COL11A1: variants seen among roughly 807,000 people sequenced by gnomAD.
The protein encoded by COL11A1 is collagen type XI alpha 1 chain.
Under a neutral mutation model 265.2 loss-of-function variants are expected in COL11A1, and 74 were observed. The observed-to-expected ratio is 0.28, with a 90% CI of 0.23 to 0.34. The LOEUF (loss-of-function observed/expected upper bound fraction) is 0.34. Ranked by LOEUF, COL11A1 falls within the 10% of genes least tolerant of loss-of-function variation. The pLI is 1.00. For synonymous variants in COL11A1, 816 were observed against 727.6 expected, an observed-to-expected ratio of 1.12 and a Z score of -1.96; for missense variants, 2,165 against 2,263.6, an observed-to-expected ratio of 0.96 and a Z score of 0.88.
intron 46 of COL11A1, among the ~76,000 whole-genome samples, chr1:102,927,915 C>A (rs1284112525): frequency 6.6e-6 from 1 of 152,006 alleles, no homozygotes; most frequent in African/African-American, 2.4e-5. Flanking sequence ...TCTCAAAATG[C>A]TTTCAATTTT....
At chr1:103,056,386 T>C (rs1003991353) in intron 4 of COL11A1, among the ~76,000 whole-genome samples, 3 of 152,194 alleles carry the variant, frequency 2.0e-5, no homozygotes, top group Non-Finnish European at 4.4e-5. Context: ...GGTCTCCTAA[T>C]AGCTTCTGAA....
chr1:103,097,689 G>A (rs1673892278), intron 1 of COL11A1, among the ~76,000 whole-genome samples: 3 of 151,954 alleles, frequency 2.0e-5, no homozygotes, highest in Admixed American at 6.6e-5. Context: ...TGTACTTGTC[G>A]AACGTGGCAA....
intron 47 of COL11A1, among the ~76,000 whole-genome samples, chr1:102,922,772 G>T (rs554646619): frequency 6.6e-6 from 1 of 152,256 alleles, no homozygotes; most frequent in Middle Eastern, 3.4e-3. Context: ...GAATATAATA[G>T]ATTTGAGTGT....
chr1:103,048,359 C>T (rs566049754), intron 4 of COL11A1, among the ~76,000 whole-genome samples: 2 of 152,232 alleles, frequency 1.3e-5, no homozygotes, highest in African/African-American at 4.8e-5. Flanking sequence ...GGAATTTATC[C>T]ATTTCTTCTA....
At chr1:102,899,429 C>T (rs1386451341) in intron 54 of COL11A1, among the ~76,000 whole-genome samples, 1 of 152,040 alleles carries the variant, frequency 6.6e-6, no homozygotes, top group African/African-American at 2.4e-5. Context: ...TATGTTCATG[C>T]ATTCTTACAG....
chr1:102,958,320 T>C (rs1473873096), intron 41 of COL11A1, among the ~76,000 whole-genome samples: 4 of 148,788 alleles, frequency 2.7e-5, no homozygotes, highest in Admixed American at 6.7e-5. Context: ...CTCCTGATTC[T>C]TTTTTTTTTC....
chr1:103,054,630 G>A (rs984465266), intron 4 of COL11A1, among the ~76,000 whole-genome samples: 3 of 152,008 alleles, frequency 2.0e-5, no homozygotes, highest in Admixed American at 6.6e-5. Flanking sequence ...GGTCAGGCAC[G>A]GTGGCTCATG....
intron 4 of COL11A1, among the ~76,000 whole-genome samples, chr1:103,073,710 A>T (rs1183898320): frequency 6.6e-6 from 1 of 151,940 alleles, no homozygotes; most frequent in Non-Finnish European, 1.5e-5. Flanking sequence ...TATATTTATA[A>T]GTACAGGAAT....
intron 46 of COL11A1, among the ~76,000 whole-genome samples, chr1:102,924,968 T>A (rs1656427319): frequency 6.6e-6 from 1 of 151,832 alleles, no homozygotes; most frequent in Non-Finnish European, 1.5e-5. Flanking sequence ...TTTTTCATGT[T>A]TTTAGTGTAT....
In COL11A1 at chr1:102,944,639, C is replaced by T. The variant is rs567818903; in HGVS notation, c.3276+2210G>A. Among the ~76,000 whole-genome samples the T allele has an allele frequency of 9.2e-5, 14 of 152,166 alleles. No individual in the cohort carries two copies. In the East Asian group the frequency reaches 9.7e-4, roughly 11 times the overall value. ...CTGTCTCACCTAATTAATTTCTTAT[C>T]GGTTTCAATGTTTTTTGATATTCTG... On this transcript the variant is annotated intron_variant, in intron 42 of 66. Coordinates refer to ENST00000370096, the MANE Select transcript of COL11A1 (RefSeq NM_001854.4).
intron 42 of COL11A1, among the ~76,000 whole-genome samples, chr1:102,942,586 TA>T (rs761504736): frequency 6.6e-6 from 1 of 152,128 alleles, no homozygotes. Context: ...AATCTTTCCT[TA>T]AAAAATGATA....
At chr1:103,038,636 G>C (rs1204711003) in intron 4 of COL11A1, among the ~76,000 whole-genome samples, 5 of 152,122 alleles carry the variant, frequency 3.3e-5, no homozygotes, top group Non-Finnish European at 5.9e-5. Flanking sequence ...AAACTCAAAA[G>C]ATGTCATTTG....
At chr1:103,027,423 AT>A (rs1667623096) in intron 5 of COL11A1, among the ~76,000 whole-genome samples, 1 of 128,098 alleles carries the variant, frequency 7.8e-6, no homozygotes. Context: ...ATATATATAT[AT>A]ATATATATAT....
Position 102,877,437 on chromosome 1 carries a change from A to G in COL11A1, c.*582T>C, listed in dbSNP as rs905648301. ...CAAATAATTGAACTCTTCAACATCA[A>G]TATATACAAAGGCATTTTATTATTA... On this transcript the variant is annotated 3_prime_UTR_variant, in exon 67 of 67. Transcript: ENST00000370096. 2 of 152,594 alleles carry G rather than the reference A, an allele frequency of 1.3e-5. No homozygotes were observed. The highest frequency in any genetic ancestry group is 2.1e-4 in the South Asian group (1 of 4,832). The allele number at this position is 152,594 out of a possible 1,614,324, so 9.5% of individuals were successfully genotyped here.
chr1:103,075,207 C>A (rs1671884075), intron 3 of COL11A1, among the ~76,000 whole-genome samples: 1 of 152,090 alleles, frequency 6.6e-6, no homozygotes, highest in African/African-American at 2.4e-5. Context: ...CTAGTGATCC[C>A]CTGAGATTGA....
intron 38 of COL11A1, among the ~76,000 whole-genome samples, chr1:102,964,541 T>TGGG (rs1661213796): frequency 1.3e-5 from 2 of 152,028 alleles, no homozygotes; most frequent in African/African-American, 4.8e-5. Context: ...TTGCTTCTGT[T>TGGG]ATACATATTC....
At chr1:103,041,492 G>A (rs926830272) in intron 4 of COL11A1, among the ~76,000 whole-genome samples, 11 of 151,406 alleles carry the variant, frequency 7.3e-5, no homozygotes, top group African/African-American at 2.7e-4. Flanking sequence ...ATATAAAGTG[G>A]TACTATCCCA....
chr1:103,066,492 G>A (rs1362401684), intron 4 of COL11A1, among the ~76,000 whole-genome samples: 1 of 138,084 alleles, frequency 7.2e-6, no homozygotes, highest in Non-Finnish European at 1.6e-5. Flanking sequence ...TAAAAAAATA[G>A]CAAAAATCCA....
intron 1 of COL11A1, chr1:103,100,076 T>C (rs1178829837): frequency 6.6e-6 from 1 of 151,876 alleles, no homozygotes; most frequent in African/African-American, 2.4e-5. Flanking sequence ...TAGATCACAG[T>C]CACTACCCAC....
Sources: gnomAD v4.1 joint callset for allele counts (sites outside exome capture counted in the v4.1 genomes callset) on GRCh38, gnomAD v4.1.1 for gene constraint, MANE v1.5 for transcripts, NCBI Gene and HGNC (gene_info 2026-07-23, HGNC 2026-07-21) for gene names.